BAIAP2L1: variants seen among roughly 807,000 people sequenced by gnomAD.
BAIAP2L1 encodes the protein BAR/IMD domain containing adaptor protein 2 like 1, also known as BAR/IMD domain-containing adapter protein 2-like 1.
A neutral mutation model predicts 66.3 loss-of-function variants in BAIAP2L1; 35 were observed. The ratio of observed to expected loss-of-function variants is 0.53; its 90% CI spans 0.40 to 0.70. BAIAP2L1 has a LOEUF of 0.70. BAIAP2L1 is among the 30% of genes least tolerant of loss of function. The pLI is 0.00. For synonymous variants in BAIAP2L1, 269 were observed against 248.7 expected (o/e 1.08, Z -0.77); for missense variants, 622 against 656.9 (o/e 0.95, Z 0.58).
intron 1 of BAIAP2L1, among the ~76,000 whole-genome samples, chr7:98,368,372 C>T (rs566591310): frequency 2.0e-5 from 3 of 152,092 alleles, no homozygotes; most frequent in South Asian, 2.1e-4. Context: ...TGAGCTGAGA[C>T]CGTGCCATTG....
intron 1 of BAIAP2L1, chr7:98,399,954 C>T (rs1162756669): frequency 6.6e-6 from 1 of 152,006 alleles, no homozygotes; most frequent in South Asian, 2.1e-4. Flanking sequence ...GGGCGTTTCC[C>T]GGGAGAACGC....
intron 1 of BAIAP2L1, among the ~76,000 whole-genome samples, chr7:98,393,010 T>A (rs1157297391): frequency 6.9e-6 from 1 of 144,342 alleles, no homozygotes; most frequent in Non-Finnish European, 1.5e-5. Flanking sequence ...AATTTTTGTG[T>A]ATATATATAC....
At chr7:98,376,459 C>A (rs1185793460) in intron 1 of BAIAP2L1, among the ~76,000 whole-genome samples, 4 of 151,892 alleles carry the variant, frequency 2.6e-5, no homozygotes, top group Non-Finnish European at 5.9e-5. Flanking sequence ...CACAGCGAGC[C>A]ACGATCACAC....
rs60741017 is a variant in BAIAP2L1 at position 98,301,475 on chromosome 7, G to GTATATATATATATATA, written c.1422+2705_1422+2720dup. Reference sequence around the variant, plus strand: ...AAAGCCTTCTAGCTTTTTTTTTTTGGTATATATATATATATATATTTTAAG... The same window carrying GTATATATATATATATA: ...AAAGCCTTCTAGCTTTTTTTTTTTGGTATATATATATATATATATATATATATATATATATTTTAAG... On this transcript the variant is annotated intron_variant, in intron 12 of 13. Transcript: ENST00000005260. 7.7e-5 allele frequency among the ~76,000 whole-genome samples: 11 copies of GTATATATATATATATA among 142,306 alleles called. No individual in the cohort carries two copies. The East Asian group carries it at 1.2e-3, about 16-fold the overall frequency. The allele number at this position is 142,306 out of a possible 152,430, so 93.4% of individuals were successfully genotyped here. A position where few individuals can be genotyped will look rare whatever the true frequency, so the allele number is the denominator to read the frequency against.
chr7:98,304,768 T>C (rs1274624742), intron 11 of BAIAP2L1, among the ~76,000 whole-genome samples: 1 of 151,998 alleles, frequency 6.6e-6, no homozygotes, highest in African/African-American at 2.4e-5. Context: ...AGGCTGGTCT[T>C]GAACTCCTGA....
chr7:98,341,645 G>A (rs1465938381), intron 3 of BAIAP2L1, among the ~76,000 whole-genome samples: 1 of 152,166 alleles, frequency 6.6e-6, no homozygotes, highest in African/African-American at 2.4e-5. Flanking sequence ...CCAGATACGC[G>A]ACCTCAGCAA....
intron 1 of BAIAP2L1, among the ~76,000 whole-genome samples, chr7:98,388,540 G>A (rs1172520113): frequency 2.0e-5 from 3 of 152,014 alleles, no homozygotes; most frequent in South Asian, 4.2e-4. Flanking sequence ...AAACTTTTTG[G>A]TTTACAGGCA....
In BAIAP2L1 at chr7:98,293,078, GC is replaced by G. The variant is rs1800037707; in HGVS notation, c.*442del. 1 of 626,840 alleles carries G rather than the reference GC, an allele frequency of 1.6e-6. No individual in the cohort carries two copies. The highest frequency in any genetic ancestry group is 2.1e-6 in the Non-Finnish European group (1 of 484,756). 38.8% of individuals were successfully genotyped at this position (626,840 alleles called of 1,614,324 possible). A position where few individuals can be genotyped will look rare whatever the true frequency, so the allele number is the denominator to read the frequency against. On this transcript the variant is annotated 3_prime_UTR_variant, in exon 14 of 14. Transcript: ENST00000005260. Reference sequence around the variant, plus strand: ...AAAATTATGATTTGCATGCTAAGATGCAAACTTACGTGATATCTTCTTTAGA... The same window carrying G: ...AAAATTATGATTTGCATGCTAAGATGAAACTTACGTGATATCTTCTTTAGA...
chr7:98,331,813 G>C (rs751303713), intron 3 of BAIAP2L1, among the ~76,000 whole-genome samples: 1 of 152,090 alleles, frequency 6.6e-6, no homozygotes, highest in Non-Finnish European at 1.5e-5. Flanking sequence ...CTTGCTTCTA[G>C]AGGAACAATG....
chr7:98,367,881 C>T (rs1008984440), intron 1 of BAIAP2L1, among the ~76,000 whole-genome samples: 1 of 151,982 alleles, frequency 6.6e-6, no homozygotes, highest in African/African-American at 2.4e-5. Context: ...GCCTCGGCCT[C>T]CCAAAGTGCT....
At chr7:98,300,694 C>A (rs566109321) in intron 12 of BAIAP2L1, among the ~76,000 whole-genome samples, 1 of 152,116 alleles carries the variant, frequency 6.6e-6, no homozygotes, top group Non-Finnish European at 1.5e-5. Context: ...GAAGCACCAC[C>A]GTGAGGTGCG....
chr7:98,293,676 T>C, intron 13 of BAIAP2L1, 80 bp from the exon 14 acceptor site: 2 of 1,416,816 alleles, frequency 1.4e-6, no homozygotes, highest in Non-Finnish European at 2.0e-6. Context: ...TAACCCGTTC[T>C]TGCCCTGTGA....
At chr7:98,303,548 A>G (rs1007633742) in intron 12 of BAIAP2L1, among the ~76,000 whole-genome samples, 2 of 151,982 alleles carry the variant, frequency 1.3e-5, no homozygotes, top group African/African-American at 4.8e-5. Context: ...TCTGCTTCCT[A>G]TCACTAGAAC....
intron 1 of BAIAP2L1, among the ~76,000 whole-genome samples, chr7:98,396,578 T>C (rs1803213862): frequency 6.6e-6 from 1 of 152,128 alleles, no homozygotes. Flanking sequence ...GGACTCAGTT[T>C]CTCAACCTGG....
intron 1 of BAIAP2L1, among the ~76,000 whole-genome samples, chr7:98,395,669 G>C (rs1044304121): frequency 2.8e-4 from 43 of 152,088 alleles, no homozygotes; most frequent in African/African-American, 9.9e-4. Flanking sequence ...AAATATATTT[G>C]CATGTGTCAG....
chr7:98,377,271 G>A (rs145535975), intron 1 of BAIAP2L1, among the ~76,000 whole-genome samples: 4 of 152,282 alleles, frequency 2.6e-5, no homozygotes, highest in Non-Finnish European at 4.4e-5. Context: ...TGACGACGAC[G>A]TGGTAGGGAA....
chr7:98,347,611 T>A (rs1801900185), intron 3 of BAIAP2L1, among the ~76,000 whole-genome samples: 1 of 151,890 alleles, frequency 6.6e-6, no homozygotes, highest in Non-Finnish European at 1.5e-5. Context: ...CCGCCTCTAC[T>A]AAAAATACAA....
chr7:98,303,611 A>G (rs1357042734), intron 12 of BAIAP2L1, among the ~76,000 whole-genome samples: 1 of 152,128 alleles, frequency 6.6e-6, no homozygotes, highest in Non-Finnish European at 1.5e-5. Context: ...CTAGCTGGAG[A>G]GCCCACACCA....
At chr7:98,400,699 G>A (rs1803348631) in intron 1 of BAIAP2L1, 103 bp downstream of exon 1, 1 of 1,314,186 alleles carries the variant, frequency 7.6e-7, no homozygotes, top group Admixed American at 2.0e-5. Context: ...GGACGCGGGG[G>A]AGGGGAGCTG....
Sources: allele counts gnomAD v4.1 joint callset (sites outside exome capture counted in the v4.1 genomes callset), GRCh38; gene constraint gnomAD v4.1.1; transcripts MANE v1.5; gene names NCBI Gene and HGNC (gene_info 2026-07-23, HGNC 2026-07-21).